The following SLC9A9 variants were observed in gnomAD, a reference collection of about 807,000 sequenced individuals.
SLC9A9 encodes the protein sodium/hydrogen exchanger 9.
A neutral mutation model predicts 77.8 loss-of-function variants in SLC9A9; 62 were observed. That is an observed-to-expected ratio of 0.80 (90% confidence interval 0.65 to 0.98). SLC9A9 has a LOEUF of 0.98. Among genes scored for constraint, SLC9A9 ranks in the 50% least tolerant of loss-of-function variants. The pLI is 0.00. For missense variants in SLC9A9, 775 were observed against 774.9 expected (o/e 1.00, Z 0.00); for synonymous variants, 320 against 283.5 (o/e 1.13, Z -1.29).
At chr3:143,759,648 AC>A (rs1273443963) in intron 4 of SLC9A9, among the ~76,000 whole-genome samples, 1 of 147,836 alleles carries the variant, frequency 6.8e-6, no homozygotes, top group African/African-American at 2.5e-5. Context: ...CATAAGAAAT[AC>A]CCCCGTTTTT....
intron 4 of SLC9A9, among the ~76,000 whole-genome samples, chr3:143,695,876 G>T (rs1560036130): frequency 6.6e-6 from 1 of 152,098 alleles, no homozygotes; most frequent in Non-Finnish European, 1.5e-5. Flanking sequence ...TCTCGTTGTG[G>T]TTTTGATTTT....
chr3:143,279,161 TCTTCTGG>T (rs2108404467), intron 14 of SLC9A9, among the ~76,000 whole-genome samples: 1 of 152,326 alleles, frequency 6.6e-6, no homozygotes, highest in South Asian at 2.1e-4. Flanking sequence ...ATAACATTCT[TCTTCTGG>T]CTTCTGGAGC....
intron 2 of SLC9A9, among the ~76,000 whole-genome samples, chr3:143,816,866 A>G (rs2009031356): frequency 6.6e-6 from 1 of 152,246 alleles, no homozygotes; most frequent in South Asian, 2.1e-4. Context: ...ATGATATCAC[A>G]TGATCATTAT....
Position 143,265,592 on chromosome 3 carries a change from G to A in SLC9A9, c.*1110C>T, listed in dbSNP as rs1937684011. Reference sequence around the variant, plus strand: ...ACATCTGGATTTCAAGAGGTGCTAGGCTTGAGGTATCTTTATGGCTTAAAA... The same window carrying A: ...ACATCTGGATTTCAAGAGGTGCTAGACTTGAGGTATCTTTATGGCTTAAAA... On this transcript the variant is annotated 3_prime_UTR_variant, in exon 16 of 16. Transcript: ENST00000316549. 3.3e-6 allele frequency: 1 copy of A among 307,414 alleles called. No individual in the cohort carries two copies. The highest frequency in any genetic ancestry group is 5.9e-6 in the Non-Finnish European group (1 of 168,806). 19.0% of individuals were successfully genotyped at this position (307,414 alleles called of 1,614,324 possible). A position where few individuals can be genotyped will look rare whatever the true frequency, so the allele number is the denominator to read the frequency against.
intron 5 of SLC9A9, among the ~76,000 whole-genome samples, chr3:143,687,259 T>A (rs1868177): frequency 0.048 from 7,365 of 152,250 alleles, 239 homozygotes; most frequent in East Asian, 0.11. Context: ...TAGCTAAGGC[T>A]AAATGGGAAA....
At chr3:143,757,547 CT>C (rs554564699) in intron 4 of SLC9A9, among the ~76,000 whole-genome samples, 14 of 152,106 alleles carry the variant, frequency 9.2e-5, no homozygotes, top group Non-Finnish European at 2.1e-4. Flanking sequence ...CTGGGCAGGA[CT>C]TTCCTGCTCA....
chr3:143,698,161 G>A (rs1933695670), intron 4 of SLC9A9: 1 of 153,702 alleles, frequency 6.5e-6, no homozygotes, highest in Non-Finnish European at 1.5e-5. Flanking sequence ...ATGGACGAGA[G>A]ATTCTGGTGA....
intron 5 of SLC9A9, among the ~76,000 whole-genome samples, chr3:143,678,599 A>G (rs1306134844): frequency 1.3e-5 from 2 of 152,180 alleles, no homozygotes; most frequent in African/African-American, 2.4e-5. Flanking sequence ...TCATTTTTCA[A>G]TGAAATCTGT....
chr3:143,511,184 C>A (rs1367409471), intron 9 of SLC9A9, among the ~76,000 whole-genome samples: 1 of 152,168 alleles, frequency 6.6e-6, no homozygotes, highest in Non-Finnish European at 1.5e-5. Context: ...GGCGGATGAT[C>A]ACCCCAAAAC....
At chr3:143,411,779 T>A (rs1254589943) in intron 12 of SLC9A9, among the ~76,000 whole-genome samples, 1 of 152,168 alleles carries the variant, frequency 6.6e-6, no homozygotes, top group Non-Finnish European at 1.5e-5. Context: ...GGTTGCAATT[T>A]TTAATTGTTT....
intron 12 of SLC9A9, among the ~76,000 whole-genome samples, chr3:143,409,486 A>C (rs576145374): frequency 2.6e-5 from 4 of 152,356 alleles, no homozygotes; most frequent in South Asian, 4.1e-4. Flanking sequence ...TGCTGCCAGT[A>C]TTCAATGTTT....
intron 14 of SLC9A9, among the ~76,000 whole-genome samples, chr3:143,288,267 A>G (rs181578445): frequency 5.3e-5 from 8 of 152,032 alleles, no homozygotes; most frequent in African/African-American, 1.9e-4. Flanking sequence ...TATTAAAAAA[A>G]AAAACAAAAC....
At chr3:143,802,323 C>T (rs1044265758) in intron 2 of SLC9A9, among the ~76,000 whole-genome samples, 2 of 152,168 alleles carry the variant, frequency 1.3e-5, no homozygotes, top group Non-Finnish European at 2.9e-5. Flanking sequence ...GAAATCTGTC[C>T]TCAAGGGAAT....
chr3:143,408,207 G>A (rs144652936), intron 12 of SLC9A9, among the ~76,000 whole-genome samples: 30 of 152,304 alleles, frequency 2.0e-4, no homozygotes, highest in Admixed American at 2.0e-3. Context: ...GAATCTGGCT[G>A]GGGGATGTGA....
intron 6 of SLC9A9, among the ~76,000 whole-genome samples, chr3:143,579,093 T>C (rs1576588819): frequency 6.6e-6 from 1 of 152,190 alleles, no homozygotes; most frequent in Admixed American, 6.5e-5. Context: ...CTGTTATATA[T>C]TCACAGATGT....
chr3:143,474,437 G>C (rs2035432514), intron 11 of SLC9A9, among the ~76,000 whole-genome samples: 1 of 152,124 alleles, frequency 6.6e-6, no homozygotes, highest in South Asian at 2.1e-4. Context: ...TGAGGAGGCT[G>C]CCTTGTTAGT....
At chr3:143,783,798 C>T (rs2007959411) in intron 4 of SLC9A9, among the ~76,000 whole-genome samples, 1 of 152,142 alleles carries the variant, frequency 6.6e-6, no homozygotes, top group African/African-American at 2.4e-5. Flanking sequence ...TTATAGTTTG[C>T]TGAAAGATTC....
chr3:143,380,749 A>G (rs1428565657), intron 13 of SLC9A9, among the ~76,000 whole-genome samples: 1 of 152,232 alleles, frequency 6.6e-6, no homozygotes, highest in Non-Finnish European at 1.5e-5. Context: ...AGTACATGAG[A>G]GCCAGGATCA....
intron 1 of SLC9A9, chr3:143,847,878 C>G (rs527512057): frequency 1.5e-4 from 79 of 513,762 alleles, no homozygotes; most frequent in African/African-American, 1.5e-3. Context: ...CCTCGACTCC[C>G]CACATGACAA....
Sources: gnomAD v4.1 joint callset for allele counts (sites outside exome capture counted in the v4.1 genomes callset) on GRCh38, gnomAD v4.1.1 for gene constraint, MANE v1.5 for transcripts, NCBI Gene and HGNC (gene_info 2026-07-23, HGNC 2026-07-21) for gene names.